Variants in SGCZ observed in about 807,000 individuals in gnomAD.
SGCZ encodes sarcoglycan zeta, also known as zeta-sarcoglycan.
SGCZ carries 40 observed loss-of-function variants against 41.3 expected under a neutral mutation model. The observed-to-expected ratio is 0.97, with a 90% confidence interval of 0.75 to 1.26. The LOEUF (loss-of-function observed/expected upper bound fraction) is 1.26, where lower values mean the gene tolerates loss of function less well. Among genes scored for constraint, SGCZ ranks in the 50% most tolerant of loss-of-function variants. The probability of loss-of-function intolerance (pLI) is 0.00; values close to 1 mark genes in which losing one functional copy is unlikely to be tolerated. For missense variants in SGCZ, 552 were observed against 369.8 expected (o/e 1.49, Z -4.04); for synonymous variants, 206 against 137.5 (o/e 1.50, Z -3.49).
intron 4 of SGCZ, among the ~76,000 whole-genome samples, chr8:14,166,780 C>CTGTT (rs1351214824): frequency 1.3e-5 from 2 of 151,598 alleles, no homozygotes; most frequent in South Asian, 2.1e-4. Context: ...GACATATAAA[C>CTGTT]TGTTAGAAAA....
At chr8:14,597,528 G>A (rs548192384) in intron 1 of SGCZ, among the ~76,000 whole-genome samples, 8 of 152,242 alleles carry the variant, frequency 5.3e-5, no homozygotes, top group African/African-American at 1.9e-4. Context: ...GAGTGCAGTG[G>A]CAGGATCTTG....
intron 1 of SGCZ, among the ~76,000 whole-genome samples, chr8:14,673,892 A>G (rs1348661782): frequency 6.6e-6 from 1 of 152,184 alleles, no homozygotes; most frequent in East Asian, 1.9e-4. Flanking sequence ...TGTGATATAC[A>G]CAATATATTC....
chr8:15,192,350 T>G (rs1271887567), intron 1 of SGCZ, among the ~76,000 whole-genome samples: 1 of 152,102 alleles, frequency 6.6e-6, no homozygotes, highest in Non-Finnish European at 1.5e-5. Flanking sequence ...CAAATTTTTC[T>G]TAAAATACAC....
At chr8:14,558,582 G>GAGAGAGAGAGAC (rs1804105848) in intron 1 of SGCZ, among the ~76,000 whole-genome samples, 1 of 140,640 alleles carries the variant, frequency 7.1e-6, no homozygotes, top group Admixed American at 7.2e-5. Flanking sequence ...CTTAGAGAGA[G>GAGAGAGAGAGAC]AGAGAGAGAG....
At chr8:14,867,799 A>G (rs1216767035) in intron 1 of SGCZ, among the ~76,000 whole-genome samples, 1 of 152,018 alleles carries the variant, frequency 6.6e-6, no homozygotes, top group East Asian at 1.9e-4. Flanking sequence ...GGATCAGGAA[A>G]AATAACTAAT....
chr8:14,811,357 G>T (rs1801731988), intron 1 of SGCZ, among the ~76,000 whole-genome samples: 1 of 151,734 alleles, frequency 6.6e-6, no homozygotes, highest in Non-Finnish European at 1.5e-5. Flanking sequence ...ATGATGAGCT[G>T]TAGTGCTTTA....
chr8:14,914,838 G>A (rs1382379750), intron 1 of SGCZ, among the ~76,000 whole-genome samples: 2 of 152,106 alleles, frequency 1.3e-5, no homozygotes, highest in Admixed American at 1.3e-4. Flanking sequence ...TTGTTATGCA[G>A]GCACTTCAGA....
rs17119513 is a variant in SGCZ at position 14,508,995 on chromosome 8, A to G, written c.234+45737T>C. Among the ~76,000 whole-genome samples the G allele has an allele frequency of 5.8e-4, 89 of 152,318 alleles. 1 individual carries two copies. In the East Asian group the frequency reaches 7.5e-3, roughly 13 times the overall value. ...GGAAACAAATTATACAAATTCAAATATAAGGTTTTTTAGTGTTAATATCGA... is the reference window on the plus strand; with the variant it reads ...GGAAACAAATTATACAAATTCAAATGTAAGGTTTTTTAGTGTTAATATCGA... On this transcript the variant is annotated intron_variant, in intron 2 of 7. Coordinates refer to ENST00000382080, the MANE Select transcript of SGCZ (RefSeq NM_139167.4).
chr8:14,553,527 C>T (rs1020006486), intron 2 of SGCZ, among the ~76,000 whole-genome samples: 6 of 151,948 alleles, frequency 3.9e-5, no homozygotes, highest in Non-Finnish European at 8.8e-5. Context: ...AAAATGGAAC[C>T]GTGGCTCATT....
At chr8:14,475,237 G>C (rs186285797) in intron 2 of SGCZ, among the ~76,000 whole-genome samples, 5 of 151,944 alleles carry the variant, frequency 3.3e-5, no homozygotes, top group African/African-American at 1.2e-4. Flanking sequence ...TTTTATTCCA[G>C]TATATTTCAA....
At chr8:14,701,649 C>G (rs1262507720) in intron 1 of SGCZ, among the ~76,000 whole-genome samples, 2 of 151,914 alleles carry the variant, frequency 1.3e-5, no homozygotes, top group Non-Finnish European at 1.5e-5. Context: ...CTGCAGCTTT[C>G]TCTTCTTTTC....
chr8:15,205,640 G>T (rs9918745), intron 1 of SGCZ, among the ~76,000 whole-genome samples: 8,283 of 152,056 alleles, frequency 0.054, 252 homozygotes, highest in South Asian at 0.073. Flanking sequence ...AAGGGAACGC[G>T]TATACACTGA....
At chr8:14,887,334 G>T (rs953521059) in intron 1 of SGCZ, among the ~76,000 whole-genome samples, 3 of 151,986 alleles carry the variant, frequency 2.0e-5, no homozygotes, top group Non-Finnish European at 4.4e-5. Context: ...ATATTCATTG[G>T]ATTAACTTGA....
chr8:14,683,957 T>A (rs1808526771), intron 1 of SGCZ, among the ~76,000 whole-genome samples: 1 of 152,176 alleles, frequency 6.6e-6, no homozygotes, highest in Non-Finnish European at 1.5e-5. Context: ...AAAATCTGAA[T>A]GTGTTTCATC....
Position 14,892,100 on chromosome 8 carries a change from A to T in SGCZ, c.40-337174T>A, listed in dbSNP as rs147780679. On this transcript the variant is annotated intron_variant, in intron 1 of 7. Coordinates refer to ENST00000382080, the MANE Select transcript of SGCZ (RefSeq NM_139167.4). ...AAGATATGCTTATATTTACAATCAC[A>T]ATTTATTACGTATGTAGTTGTACAT... Among the ~76,000 whole-genome samples the T allele has an allele frequency of 4.2e-3, 636 of 152,278 alleles. 7 individuals are homozygous for T. The highest frequency in any genetic ancestry group is 0.015 in the African/African-American group (614 of 41,568).
At chr8:14,413,806 T>A (rs762767587) in intron 2 of SGCZ, among the ~76,000 whole-genome samples, 3 of 152,000 alleles carry the variant, frequency 2.0e-5, no homozygotes, top group Non-Finnish European at 4.4e-5. Flanking sequence ...AACCCATTCA[T>A]ACATATATGG....
chr8:14,210,297 G>C (rs1185301421), intron 4 of SGCZ, among the ~76,000 whole-genome samples: 2 of 152,054 alleles, frequency 1.3e-5, no homozygotes, highest in Non-Finnish European at 2.9e-5. Flanking sequence ...GACCTGAAGT[G>C]ATCCACCTGC....
chr8:14,497,108 G>A lies in SGCZ; in HGVS notation c.234+57624C>T, dbSNP rs181314772. On this transcript the variant is annotated intron_variant, in intron 2 of 7. Coordinates refer to ENST00000382080, the MANE Select transcript of SGCZ (RefSeq NM_139167.4). ...TTATGAAGACATCTTTTGGTTACGC[G>A]TCACAATCTGTCAGGGGTTGTGTTA... is the stretch of plus-strand genomic sequence containing the variant. 3.3e-3 allele frequency among the ~76,000 whole-genome samples: 500 copies of A among 152,214 alleles called. 1 individual carries two copies. Among genetic ancestry groups the A allele is most frequent in the Middle Eastern group, 0.01 (3 of 292 alleles).
intron 1 of SGCZ, among the ~76,000 whole-genome samples, chr8:15,153,742 C>T (rs547729066): frequency 9.2e-5 from 14 of 152,134 alleles, no homozygotes; most frequent in African/African-American, 3.4e-4. Flanking sequence ...AAAAGTTTCT[C>T]CAAGCCTCCT....
Sources: allele counts gnomAD v4.1 joint callset (sites outside exome capture counted in the v4.1 genomes callset), GRCh38; gene constraint gnomAD v4.1.1; transcripts MANE v1.5; gene names NCBI Gene and HGNC (gene_info 2026-07-23, HGNC 2026-07-21).